Variants in ABCA9 observed in about 807,000 individuals in gnomAD.
The protein encoded by ABCA9 is ATP-binding cassette sub-family A member 9.
In ABCA9, 183 loss-of-function variants were observed where a neutral mutation model predicts 205.3. That is an observed-to-expected ratio of 0.89 (90% CI 0.79 to 1.01). The LOEUF is 1.01. Among genes scored for constraint, ABCA9 ranks in the 50% least tolerant of loss-of-function variants. ABCA9 has a pLI of 0.00. For synonymous variants in ABCA9, 651 were observed against 683.3 expected, an observed-to-expected ratio of 0.95 and a Z score of 0.74; for missense variants, 1,805 against 1,912.4, an observed-to-expected ratio of 0.94 and a Z score of 1.05.
chr17:68,986,092 C>T (rs947758631), intron 32 of ABCA9, 72 bp downstream of exon 32: 26 of 1,449,898 alleles, frequency 1.8e-5, no homozygotes, highest in Non-Finnish European at 2.4e-5. Context: ...ACCTCCCTGT[C>T]TTCATTTTGT....
Position 68,982,549 on chromosome 17 carries a change from C to T in ABCA9, c.4720+13G>A. On this transcript the variant is annotated intron_variant, in intron 37 of 38. Transcript: ENST00000340001. ...TGTTTCCCAGAGTTTTGTCTCTAAA[C>T]AGTCACTCTTACCTATCTCTAATTT... The T allele has an allele frequency of 6.2e-7, 1 of 1,606,228 alleles. No homozygotes were observed. The highest frequency in any genetic ancestry group is 8.5e-7 in the Non-Finnish European group (1 of 1,172,940).
Position 68,992,282 on chromosome 17 carries a change from G to T in ABCA9, c.3625-16C>A. ...GAAGGTAAGGCTAGGGAAAAAGAAA[G>T]ACAATCACAATTAGTATCACTATAA... On this transcript the variant is annotated splice_polypyrimidine_tract_variant and intron_variant, in intron 27 of 38. Coordinates refer to ENST00000340001, the MANE Select transcript of ABCA9 (RefSeq NM_080283.4). The T allele has an allele frequency of 2.0e-6, 3 of 1,470,160 alleles. No individual in the cohort carries two copies. Among genetic ancestry groups the T allele is most frequent in the Non-Finnish European group, 2.8e-6 (3 of 1,069,602 alleles). 91.1% of individuals were successfully genotyped at this position (1,470,160 alleles called of 1,614,324 possible). A position where few individuals can be genotyped will look rare whatever the true frequency, so the allele number is the denominator to read the frequency against.
intron 16 of ABCA9, among the ~76,000 whole-genome samples, chr17:69,024,935 C>T (rs2144319763): frequency 6.6e-6 from 1 of 152,042 alleles, no homozygotes; most frequent in East Asian, 1.9e-4. Context: ...TTTGAAACTC[C>T]ACTGTTAATC....
At chr17:69,043,394 G>T in intron 6 of ABCA9, 95 bp downstream of exon 6, 1 of 957,502 alleles carries the variant, frequency 1.0e-6, no homozygotes, top group Non-Finnish European at 1.6e-6. Context: ...AGCAGTCTGT[G>T]GCCTGGGGCT....
Position 69,012,009 on chromosome 17 carries a change from T to C in ABCA9, c.3114A>G (p.Pro1038=), listed in dbSNP as rs1363824804. 6.2e-7 allele frequency: 1 copy of C among 1,613,018 alleles called. No individual in the cohort carries two copies. The highest frequency in any genetic ancestry group is 8.5e-7 in the Non-Finnish European group (1 of 1,179,500). The change falls in exon 23 of 39, where the codon CCA becomes CCG. Residue 1038 remains proline, a synonymous_variant. Coordinates refer to ENST00000340001, the MANE Select transcript of ABCA9 (RefSeq NM_080283.4). ...CACCAATGCTGCTCATTGCAATGTA[T>C]GGAGTGAAAGAGGCTGCCATCGGTA... The part of the protein sequence containing the change: ...FWIPMAASFT[P]YIAMSSIGDY...
chr17:68,982,724 G>A (rs2069099568), intron 36 of ABCA9, 83 bp from the exon 37 acceptor site: 2 of 1,141,362 alleles, frequency 1.8e-6, no homozygotes, highest in African/African-American at 1.5e-5. Context: ...GGGAAACAAG[G>A]CTAGGCATGG....
rs78836926 is a variant in ABCA9, at chr17:69,045,242, G to A, written c.399C>T (p.Thr133=). The A allele has an allele frequency of 9.2e-4, 1,484 of 1,613,046 alleles. 11 individuals are homozygous for A. The African/African-American group carries it at 0.018, about 20-fold the overall frequency. Reference sequence around the variant, plus strand: ...AAGAAAACTTCAAATGGTAGGAGAAGGTATCAGTAAAGATGACTCTCACTG... The same window carrying A: ...AAGAAAACTTCAAATGGTAGGAGAAAGTATCAGTAAAGATGACTCTCACTG... ...IDAVRVIFTD[T]FSYHLKFSWG... Residue 133 remains threonine, a synonymous_variant, in exon 4 of 39, where the codon ACC becomes ACT. Coordinates refer to ENST00000340001, the MANE Select transcript of ABCA9 (RefSeq NM_080283.4).
At chr17:69,051,545 A>G (rs2057217201) in intron 1 of ABCA9, 1 of 181,686 alleles carries the variant, frequency 5.5e-6, no homozygotes, top group Non-Finnish European at 1.2e-5. Context: ...CCTACCATCA[A>G]TCAGTTCTGC....
At chr17:69,010,349 G>A (rs1361831964) in intron 23 of ABCA9, among the ~76,000 whole-genome samples, 2 of 152,210 alleles carry the variant, frequency 1.3e-5, no homozygotes, top group East Asian at 1.9e-4. Context: ...AAAGCCAGCT[G>A]TAGAAAGAAC....
intron 26 of ABCA9, 63 bp from the exon 27 acceptor site, chr17:68,993,147 C>A: frequency 7.2e-7 from 1 of 1,396,884 alleles, no homozygotes; most frequent in South Asian, 1.2e-5. Context: ...GAATTTATCC[C>A]ACTTAAGATA....
chr17:69,018,070 T>C (rs1346063346), intron 20 of ABCA9: 1 of 385,670 alleles, frequency 2.6e-6, no homozygotes, highest in African/African-American at 2.1e-5. Context: ...TAATAGTCTA[T>C]CTATCTTTTT....
At chr17:69,030,955 A>C (rs1440985560) in intron 10 of ABCA9, among the ~76,000 whole-genome samples, 1 of 152,066 alleles carries the variant, frequency 6.6e-6, no homozygotes, top group East Asian at 1.9e-4. Flanking sequence ...AGTCTTCAGA[A>C]CTCTGTGCAC....
chr17:69,039,951 A>G (rs550888719), intron 6 of ABCA9, among the ~76,000 whole-genome samples: 1 of 152,362 alleles, frequency 6.6e-6, no homozygotes, highest in Admixed American at 6.5e-5. Context: ...AAACATATGA[A>G]AAAAAGCTCA....
rs1598386643 is a variant in ABCA9 at position 69,024,420 on chromosome 17, G to T, written c.2142-67C>A. ...GTCTATAAAACAATTTCCTAATTAT[G>T]TAGTATGTGCTTGTCACTTTATTAA... On this transcript the variant is annotated intron_variant, in intron 16 of 38. Transcript: ENST00000340001. The T allele has an allele frequency of 6.5e-6, 9 of 1,394,942 alleles. No homozygotes were observed. The East Asian group carries it at 2.2e-4, about 35-fold the overall frequency. The allele number at this position is 1,394,942 out of a possible 1,614,324, so 86.4% of individuals were successfully genotyped here.
intron 25 of ABCA9, among the ~76,000 whole-genome samples, chr17:68,996,627 A>G (rs1191549335): frequency 6.6e-6 from 1 of 152,242 alleles, no homozygotes; most frequent in East Asian, 1.9e-4. Context: ...TCTACAAACC[A>G]TGAATTAGAG....
rs749228341 is a variant in ABCA9, at chr17:68,986,175, G to A, written c.4197C>T (p.Ile1399=). 9 of 1,610,244 alleles carry A rather than the reference G, an allele frequency of 5.6e-6. No individual in the cohort carries two copies. Among genetic ancestry groups the A allele is most frequent in the Middle Eastern group, 1.6e-4 (1 of 6,066 alleles). Residue 1399 remains isoleucine, a synonymous_variant, in exon 32 of 39, where the codon ATC becomes ATT. Coordinates refer to ENST00000340001, the MANE Select transcript of ABCA9 (RefSeq NM_080283.4). ...CCAGTCCCAGGTACCGTGTGATGGC[G>A]ATCATTGCGTCCCCTTTCCTGAGAC... ...VKGLRKGDAM[I]AITRLVDALK... is the part of the protein sequence containing the mutation.
chr17:69,006,879 G>C (rs558119955), intron 25 of ABCA9, among the ~76,000 whole-genome samples: 2 of 152,286 alleles, frequency 1.3e-5, no homozygotes, highest in East Asian at 3.9e-4. Context: ...GGAGGCAAGA[G>C]TAGAAACAGA....
At chr17:69,066,782 C>T in the ABCA9 span, among the ~76,000 whole-genome samples, 1 of 152,126 alleles carries the variant, frequency 6.6e-6, no homozygotes, top group Non-Finnish European at 1.5e-5. Flanking sequence ...CTTGAGGATA[C>T]TGTGAGGAGT....
At position 68,975,856 on chromosome 17, in the gene ABCA9, TA is replaced by T; in HGVS notation, c.*58del. On this transcript the variant is annotated 3_prime_UTR_variant, in exon 39 of 39. Transcript: ENST00000340001. ...TCTGATATAAGGCATATTAAGGCTA[TA>T]AAATATTATCTTTAAAAGAGTCACA... 1 of 1,315,718 alleles carries T rather than the reference TA, an allele frequency of 7.6e-7. No homozygotes were observed. The highest frequency in any genetic ancestry group is 1.1e-6 in the Non-Finnish European group (1 of 932,938). The allele number at this position is 1,315,718 out of a possible 1,614,324, so 81.5% of individuals were successfully genotyped here. A position where few individuals can be genotyped will look rare whatever the true frequency, so the allele number is the denominator to read the frequency against.
Sources: gnomAD v4.1 joint callset for allele counts (sites outside exome capture counted in the v4.1 genomes callset) on GRCh38, gnomAD v4.1.1 for gene constraint, MANE v1.5 for transcripts, NCBI Gene and HGNC (gene_info 2026-07-23, HGNC 2026-07-21) for gene names.